CDC37: variants seen among roughly 807,000 people sequenced by gnomAD.
The protein encoded by CDC37 is cell division cycle 37, HSP90 cochaperone, also known as hsp90 co-chaperone Cdc37.
A neutral mutation model predicts 46.9 loss-of-function variants in CDC37; 9 were observed. That is an observed-to-expected ratio of 0.19 (90% CI 0.12 to 0.33). The LOEUF is 0.33. Among genes scored for constraint, CDC37 ranks in the 10% least tolerant of loss-of-function variants. The probability of loss-of-function intolerance (pLI) is 1.00; values close to 1 mark genes in which losing one functional copy is unlikely to be tolerated. For missense variants in CDC37, 388 were observed against 514.6 expected (o/e 0.75, Z 2.38); for synonymous variants, 193 against 191.0 (o/e 1.01, Z -0.09).
At chr19:10,403,281 C>T in intron 1 of CDC37, 97 bp downstream of exon 1, 3 of 885,036 alleles carry the variant, frequency 3.4e-6, no homozygotes, top group Non-Finnish European at 5.4e-6. Flanking sequence ...GGGTGAGAAT[C>T]CTAGGTGTGA....
rs1374410500 is a variant in CDC37, at chr19:10,391,305, C to T, written c.*246G>A. 1.1e-5 allele frequency: 6 copies of T among 525,252 alleles called. No homozygotes were observed. Among genetic ancestry groups the T allele is most frequent in the East Asian group, 7.0e-5 (2 of 28,768 alleles). 32.5% of individuals were successfully genotyped at this position (525,252 alleles called of 1,614,324 possible). On this transcript the variant is annotated 3_prime_UTR_variant, in exon 8 of 8. Transcript: ENST00000222005. ...TGACCTCTGCCCTTCCCCGGACCCC[C>T]GGGCCTTTGGCATAATGCTGATGGG...
At chr19:10,395,609 C>T in intron 2 of CDC37, 66 bp from the exon 3 acceptor site, 3 of 1,285,556 alleles carry the variant, frequency 2.3e-6, no homozygotes, top group South Asian at 1.2e-5. Context: ...CGCGGCCGGG[C>T]GGGCCGTGGT....
chr19:10,395,406 G>GC (rs1212476872), intron 3 of CDC37, 29 bp downstream of exon 3: 2 of 1,605,864 alleles, frequency 1.2e-6, no homozygotes, highest in East Asian at 2.2e-5. Flanking sequence ...CCTCGACCTT[G>GC]CCCCCCATAA....
Position 10,395,584 on chromosome 19 carries a change from G to C in CDC37, c.379-41C>G, listed in dbSNP as rs759681145. On this transcript the variant is annotated intron_variant, in intron 2 of 7. Transcript: ENST00000222005. ...AGGGGGAGTGGGCTGGGGCAAGGCT[G>C]CGGAGCGCCTCGAGCGCGGCCGGGC... The C allele has an allele frequency of 2.0e-6, 3 of 1,502,270 alleles. No homozygotes were observed. The Admixed American group carries it at 5.0e-5, about 25-fold the overall frequency. 93.1% of individuals were successfully genotyped at this position (1,502,270 alleles called of 1,614,324 possible).
At chr19:10,395,718 G>T in intron 2 of CDC37, 175 bp from the exon 3 acceptor site, 2 of 743,224 alleles carry the variant, frequency 2.7e-6, no homozygotes, top group East Asian at 2.7e-5. Context: ...TCAGAGGAGG[G>T]GACCGGTGGG....
At chr19:10,394,081 C>T (rs1382352441) in intron 5 of CDC37, among the ~76,000 whole-genome samples, 1 of 151,940 alleles carries the variant, frequency 6.6e-6, no homozygotes, top group Non-Finnish European at 1.5e-5. Context: ...CAGAGTGAGA[C>T]TCCATCTCAA....
intron 1 of CDC37, among the ~76,000 whole-genome samples, chr19:10,399,931 TAAAAAAAAAA>T (rs56162717): frequency 2.1e-5 from 1 of 48,320 alleles, no homozygotes; most frequent in East Asian, 1.2e-3. Context: ...GACTCCGTCT[TAAAAAAAAAA>T]AAAAAAAAAA....
rs28382774 is a variant in CDC37 at position 10,401,382 on chromosome 19, C to T, written c.102+1996G>A. ...CTACAACCACCGGGGTTCTCAGCGG[C>T]AGGACAGGAAAAGCTCTGTGCCAGA... is the stretch of plus-strand genomic sequence containing the variant. On this transcript the variant is annotated intron_variant, in intron 1 of 7. Transcript: ENST00000222005. Among the ~76,000 whole-genome samples the T allele has an allele frequency of 5.9e-3, 898 of 152,230 alleles. 14 individuals are homozygous for T. The highest frequency in any genetic ancestry group is 0.031 in the East Asian group (161 of 5,170).
At chr19:10,401,761 T>C (rs1229115794) in intron 1 of CDC37, among the ~76,000 whole-genome samples, 2 of 152,090 alleles carry the variant, frequency 1.3e-5, no homozygotes, top group East Asian at 3.9e-4. Context: ...GAAAGGGACC[T>C]TCTAGTTGTT....
At position 10,392,042 on chromosome 19, in the gene CDC37, TCTG is replaced by T. The variant is rs2042459885; in HGVS notation, c.982-339_982-337del. Among the ~76,000 whole-genome samples the T allele has an allele frequency of 4.6e-5, 7 of 152,206 alleles. No homozygotes were observed. In the South Asian group the frequency reaches 6.2e-4, roughly 13 times the overall value. On this transcript the variant is annotated intron_variant, in intron 7 of 7. Transcript: ENST00000222005. The stretch of plus-strand genomic sequence containing the variant: ...GTCTTGAACTCCTGCCCTTAGGTGA[TCTG>T]CCTGCCTTGGCCTCCCAAAGCACTG...
intron 7 of CDC37, 182 bp downstream of exon 7, chr19:10,392,904 G>C: frequency 1.6e-6 from 1 of 612,444 alleles, no homozygotes; most frequent in Non-Finnish European, 2.9e-6. Flanking sequence ...TTTATCTGCT[G>C]GATACTGGGA....
chr19:10,397,956 C>T (rs900533368), intron 1 of CDC37, among the ~76,000 whole-genome samples: 9 of 152,156 alleles, frequency 5.9e-5, no homozygotes, highest in African/African-American at 1.2e-4. Context: ...TGGGCCCCAT[C>T]GGATTGTACA....
At position 10,403,502 on chromosome 19, in the gene CDC37, C is replaced by T. The variant is rs2042531548; in HGVS notation, c.-23G>A. 6.3e-7 allele frequency: 1 copy of T among 1,588,760 alleles called. No homozygotes were observed. Among genetic ancestry groups the T allele is most frequent in the African/African-American group, 1.3e-5 (1 of 74,630 alleles). On this transcript the variant is annotated 5_prime_UTR_variant, in exon 1 of 8. Transcript: ENST00000222005. ...CATCTTGCCTTGGCGGCCCAGCCCG[C>T]TCCGGCTCGGGTGGCGGCGACGGCG...
In CDC37 at chr19:10,391,425, G is replaced by GC; in HGVS notation, c.*125dup. ...GGAGAGGCCAGGGAGGGCTGGGCGGGCCCCCCAGGCTGGGCCGAGCAGCGC... is the reference window on the plus strand; with the variant it reads ...GGAGAGGCCAGGGAGGGCTGGGCGGGCCCCCCCAGGCTGGGCCGAGCAGCGC... On this transcript the variant is annotated 3_prime_UTR_variant, in exon 8 of 8. Transcript: ENST00000222005. The GC allele has an allele frequency of 2.6e-6, 3 of 1,164,292 alleles. No individual in the cohort carries two copies. Among genetic ancestry groups the GC allele is most frequent in the Admixed American group, 1.8e-5 (1 of 54,474 alleles). The allele number at this position is 1,164,292 out of a possible 1,614,324, so 72.1% of individuals were successfully genotyped here. A position where few individuals can be genotyped will look rare whatever the true frequency, so the allele number is the denominator to read the frequency against.
At chr19:10,403,139 G>T (rs945497373) in intron 1 of CDC37, among the ~76,000 whole-genome samples, 1 of 152,220 alleles carries the variant, frequency 6.6e-6, no homozygotes, top group Non-Finnish European at 1.5e-5. Context: ...AAGTTCTAGG[G>T]GGTGAATAGG....
chr19:10,393,385 C>G lies in CDC37; in HGVS notation c.783G>C (p.Glu261Asp). The change falls in exon 6 of 8, where the codon GAG becomes GAC. Residue 261 changes from glutamate to aspartate, a missense_variant. By Grantham distance (45) the Glu-to-Asp change is conservative. This residue lies in a region of CDC37 where 374 missense variants were observed against 467.4 expected (regional missense o/e 0.80). Coordinates refer to ENST00000222005, the MANE Select transcript of CDC37 (RefSeq NM_007065.4). The surrounding 1 kb of genome is among the most constrained non-coding windows in gnomAD (Gnocchi z 4.9). ...GCAGCTTGGCACGGCCCCGCACACG[C>G]TCCTTGAAGGCTTCCAGCTCGTCGT... is the stretch of plus-strand genomic sequence containing the variant. ...GFNDELEAFK[E>D]RVRGRAKLRI... 1 of 1,614,080 alleles carries G rather than the reference C, an allele frequency of 6.2e-7. No individual in the cohort carries two copies. The highest frequency in any genetic ancestry group is 1.3e-5 in the African/African-American group (1 of 75,078).
At chr19:10,402,718 C>T (rs2042526237) in intron 1 of CDC37, among the ~76,000 whole-genome samples, 1 of 152,082 alleles carries the variant, frequency 6.6e-6, no homozygotes, top group Admixed American at 6.6e-5. Context: ...CAGAGGGGAA[C>T]CAGATTCCAA....
Position 10,393,415 on chromosome 19 carries a change from G to A in CDC37, c.753C>T (p.Gly251=), listed in dbSNP as rs117880392. The change falls in exon 6 of 8, where the codon GGC becomes GGT. Residue 251 remains glycine, a synonymous_variant. Coordinates refer to ENST00000222005, the MANE Select transcript of CDC37 (RefSeq NM_007065.4). The surrounding 1 kb of genome is among the most constrained non-coding windows in gnomAD (Gnocchi z 4.9). ...TGAAGGCTTCCAGCTCGTCGTTGAA[G>A]CCCTCCATGTACTGGCGATCGGCTG... ...IKTADRQYME[G]FNDELEAFKE... 2.8e-4 allele frequency: 457 copies of A among 1,613,494 alleles called. 4 individuals carry two copies. In the East Asian group the frequency reaches 8.0e-3, roughly 28 times the overall value.
In CDC37 at chr19:10,398,936, T is replaced by A. The variant is rs1163893721; in HGVS notation, c.103-2733A>T. On this transcript the variant is annotated intron_variant, in intron 1 of 7. Transcript: ENST00000222005. This position sits in a 1 kb window ranked among gnomAD's most constrained non-coding sequence, Gnocchi z 4.2. ...TCACAGGATCGCCGTGAGAACTGAA[T>A]GACTAACTCTATGGAAAATGCTTCC... Among the ~76,000 whole-genome samples, 1 of 152,134 alleles carries A rather than the reference T, an allele frequency of 6.6e-6. No homozygotes were observed. Among genetic ancestry groups the A allele is most frequent in the East Asian group, 1.9e-4 (1 of 5,190 alleles).
Sources: gnomAD v4.1 joint callset for allele counts (sites outside exome capture counted in the v4.1 genomes callset) on GRCh38, gnomAD v4.1.1 for gene constraint, gnomAD v4.1.1 regional missense constraint, Gnocchi (gnomAD v3.1) non-coding constraint, MANE v1.5 for transcripts, NCBI Gene and HGNC (gene_info 2026-07-23, HGNC 2026-07-21) for gene names.